Variants in AFF2 observed in about 807,000 individuals in gnomAD.
AFF2 encodes ALF transcription elongation factor 2, also known as AF4/FMR2 family member 2.
A neutral mutation model predicts 76.9 loss-of-function variants in AFF2; 14 were observed. The observed-to-expected ratio is 0.18, with a 90% confidence interval of 0.12 to 0.28. AFF2 has a LOEUF of 0.28. Among genes scored for constraint, AFF2 ranks in the 10% least tolerant of loss-of-function variants. The probability of loss-of-function intolerance (pLI) is 1.00; values close to 1 mark genes in which losing one functional copy is unlikely to be tolerated. For missense variants in AFF2, 868 were observed against 1,001.1 expected (o/e 0.87, Z 1.79); for synonymous variants, 398 against 366.7 (o/e 1.09, Z -0.98).
intron 3 of AFF2, among the ~76,000 whole-genome samples, chrX:148,755,320 C>A (rs1047085748): frequency 3.7e-4 from 42 of 112,017 alleles, no homozygotes; most frequent in African/African-American, 1.3e-3. Context: ...AAAAACGTTT[C>A]CCTTTTTTTT....
chrX:148,829,266 C>G (rs147042617), intron 4 of AFF2, among the ~76,000 whole-genome samples: 11 of 112,348 alleles, frequency 9.8e-5, no homozygotes, highest in African/African-American at 1.6e-4. Flanking sequence ...TACACTTCCT[C>G]TCTATGAGCA....
intron 3 of AFF2, among the ~76,000 whole-genome samples, chrX:148,672,956 A>T (rs1415834696): frequency 1.8e-5 from 2 of 111,761 alleles, no homozygotes; most frequent in African/African-American, 6.5e-5. Flanking sequence ...TAATTGCTAT[A>T]GAGGGAGTAA....
intron 1 of AFF2, among the ~76,000 whole-genome samples, chrX:148,510,973 C>G (rs1446582334): frequency 8.9e-6 from 1 of 111,998 alleles, no homozygotes; most frequent in Non-Finnish European, 1.9e-5. Flanking sequence ...CAGGTGGGTA[C>G]AGGTAGGTGT....
chrX:148,788,131 G>A (rs1212156398), intron 3 of AFF2, among the ~76,000 whole-genome samples: 2 of 111,656 alleles, frequency 1.8e-5, no homozygotes, highest in Non-Finnish European at 3.8e-5. Flanking sequence ...ACTAAGCTCA[G>A]CTTCCATGCA....
At chrX:148,775,885 G>A (rs1323587223) in intron 3 of AFF2, among the ~76,000 whole-genome samples, 1 of 109,093 alleles carries the variant, frequency 9.2e-6, no homozygotes, top group Non-Finnish European at 1.9e-5. Flanking sequence ...TGTACTTTAA[G>A]TTCTGGGATA....
At chrX:148,689,838 C>T (rs1046872580) in intron 3 of AFF2, among the ~76,000 whole-genome samples, 12 of 112,002 alleles carry the variant, frequency 1.1e-4, no homozygotes, top group African/African-American at 3.9e-4. Context: ...AAGTATTTGG[C>T]TGGCTTTGTT....
At chrX:148,704,450 TTATATATGTGTATATATTTA>T (rs2054854434) in intron 3 of AFF2, among the ~76,000 whole-genome samples, 2 of 17,954 alleles carry the variant, frequency 1.1e-4, no homozygotes, top group African/African-American at 2.1e-4. Flanking sequence ...ATATATATAT[TTATATATGTGTATATATTTA>T]TATATATGTG....
intron 3 of AFF2, among the ~76,000 whole-genome samples, chrX:148,726,495 G>A (rs1401959284): frequency 8.9e-6 from 1 of 112,014 alleles, no homozygotes; most frequent in African/African-American, 3.2e-5. Flanking sequence ...AAGGAGAGCA[G>A]TCTCAGGCCT....
At chrX:148,544,055 A>G (rs781989099) in intron 1 of AFF2, among the ~76,000 whole-genome samples, 4 of 112,066 alleles carry the variant, frequency 3.6e-5, no homozygotes, top group East Asian at 2.8e-4. Flanking sequence ...ATTTGCCACA[A>G]TGTGAGGTGA....
intron 1 of AFF2, among the ~76,000 whole-genome samples, chrX:148,528,884 G>A (rs1008438745): frequency 1.2e-4 from 13 of 110,340 alleles, no homozygotes; most frequent in East Asian, 1.1e-3. Context: ...TTAATAAAGG[G>A]CTTTTCTGTA....
At chrX:148,711,680 G>T (rs1022420752) in intron 3 of AFF2, among the ~76,000 whole-genome samples, 1 of 112,011 alleles carries the variant, frequency 8.9e-6, no homozygotes, top group Non-Finnish European at 1.9e-5. Context: ...GCTAATGAAG[G>T]CAATATGGTT....
At chrX:148,959,611 C>T (rs782751038) in intron 12 of AFF2, among the ~76,000 whole-genome samples, 13 of 112,346 alleles carry the variant, frequency 1.2e-4, no homozygotes, top group African/African-American at 3.9e-4. Flanking sequence ...TCCTGGGCTG[C>T]CCCCTGCCCC....
chrX:148,715,632 T>G (rs1365556077), intron 3 of AFF2, among the ~76,000 whole-genome samples: 1 of 111,851 alleles, frequency 8.9e-6, no homozygotes, highest in Non-Finnish European at 1.9e-5. Context: ...GTTTTAATTG[T>G]GGTCAAAAGC....
At chrX:148,612,830 C>A (rs1329997420) in intron 1 of AFF2, among the ~76,000 whole-genome samples, 1 of 111,935 alleles carries the variant, frequency 8.9e-6, no homozygotes, top group African/African-American at 3.2e-5. Context: ...TGAAGTCATT[C>A]TTTGGTTCTC....
At chrX:148,744,386 A>G (rs1328361151) in intron 3 of AFF2, among the ~76,000 whole-genome samples, 1 of 112,210 alleles carries the variant, frequency 8.9e-6, no homozygotes, top group Admixed American at 9.4e-5. Context: ...TAAACGTGTG[A>G]AGAAGAAAAC....
intron 7 of AFF2, among the ~76,000 whole-genome samples, chrX:148,876,538 A>G (rs914788063): frequency 2.7e-5 from 3 of 112,059 alleles, no homozygotes; most frequent in Admixed American, 9.5e-5. Flanking sequence ...AAACAAGTCC[A>G]TTCGCTATTG....
chrX:148,548,879 T>G (rs969722640), intron 1 of AFF2, among the ~76,000 whole-genome samples: 2 of 112,841 alleles, frequency 1.8e-5, no homozygotes, highest in African/African-American at 6.4e-5. Flanking sequence ...CTTTTTGGTA[T>G]GTGTGCCGTA....
At chrX:148,714,667 C>G (rs2055006776) in intron 3 of AFF2, among the ~76,000 whole-genome samples, 1 of 111,290 alleles carries the variant, frequency 9.0e-6, no homozygotes, top group African/African-American at 3.3e-5. Context: ...TTACTGAGAA[C>G]CAAAATTTTA....
rs781966000 is a variant in AFF2, at chrX:148,501,124, C to T, written c.27C>T (p.Asp9=). ...TGGATCTATTCGACTTTTTCAGAGA[C>T]TGGGACTTGGAGCAGCAGTGGTAGG... is the stretch of plus-strand genomic sequence containing the variant. MDLFDFFR[D]WDLEQQCHYE... The change falls in exon 1 of 21, where the codon GAC becomes GAT. Residue 9 remains aspartate (D), a synonymous_variant. Transcript: ENST00000370460. 1.7e-6 allele frequency: 2 copies of T among 1,209,877 alleles called. No homozygotes were observed. Among genetic ancestry groups the T allele is most frequent in the African/African-American group, 1.7e-5 (1 of 57,305 alleles).
Sources: gnomAD v4.1 joint callset for allele counts (sites outside exome capture counted in the v4.1 genomes callset) on GRCh38, gnomAD v4.1.1 for gene constraint, MANE v1.5 for transcripts, NCBI Gene and HGNC (gene_info 2026-07-23, HGNC 2026-07-21) for gene names.